MAN2A1: variants seen among roughly 807,000 people sequenced by gnomAD.
The protein encoded by MAN2A1 is mannosidase alpha class 2A member 1, also known as alpha-mannosidase 2.
Under a neutral mutation model 142.6 loss-of-function variants are expected in MAN2A1, and 76 were observed. The observed-to-expected ratio is 0.53, with a 90% CI of 0.44 to 0.65. The LOEUF is 0.65. Ranked by LOEUF, MAN2A1 falls within the 30% of genes least tolerant of loss-of-function variation. The pLI is 0.00. For synonymous variants in MAN2A1, 559 were observed against 473.2 expected (o/e 1.18, Z -2.35); for missense variants, 1,311 against 1,365.1 (o/e 0.96, Z 0.62).
intron 12 of MAN2A1, among the ~76,000 whole-genome samples, chr5:109,813,797 C>T (rs1580278839): frequency 6.6e-6 from 1 of 152,178 alleles, no homozygotes; most frequent in African/African-American, 2.4e-5. Flanking sequence ...TACTCATCCT[C>T]AGTAGAATCT....
intron 1 of MAN2A1, among the ~76,000 whole-genome samples, chr5:109,699,138 T>A (rs1188350683): frequency 1.3e-5 from 2 of 152,216 alleles, no homozygotes; most frequent in Admixed American, 1.3e-4. Context: ...ATTCATCAAC[T>A]TTAGGCCTAA....
chr5:109,748,643 G>A (rs532080932), intron 4 of MAN2A1, among the ~76,000 whole-genome samples: 1 of 152,046 alleles, frequency 6.6e-6, no homozygotes, highest in African/African-American at 2.4e-5. Flanking sequence ...GAATGTGGTG[G>A]CCAGTAACAG....
At chr5:109,791,488 TTA>T (rs1753735929) in intron 12 of MAN2A1, among the ~76,000 whole-genome samples, 1 of 152,014 alleles carries the variant, frequency 6.6e-6, no homozygotes, top group Non-Finnish European at 1.5e-5. Context: ...ATTGGAAGCC[TTA>T]GAGGTGTGGC....
intron 10 of MAN2A1, among the ~76,000 whole-genome samples, chr5:109,786,932 A>G (rs902197653): frequency 1.3e-5 from 2 of 152,058 alleles, no homozygotes; most frequent in Non-Finnish European, 1.5e-5. Flanking sequence ...GTCATCAGGC[A>G]TTCAGGCCCT....
chr5:109,705,015 T>G (rs1476703294), intron 1 of MAN2A1, among the ~76,000 whole-genome samples: 2 of 152,184 alleles, frequency 1.3e-5, no homozygotes, highest in Non-Finnish European at 2.9e-5. Context: ...TCTAATAGTT[T>G]CAGAATATAA....
intron 4 of MAN2A1, among the ~76,000 whole-genome samples, chr5:109,754,528 T>C (rs1166847505): frequency 6.6e-6 from 1 of 152,210 alleles, no homozygotes; most frequent in African/African-American, 2.4e-5. Context: ...CTTGTTATTT[T>C]TTAGGGTAGT....
chr5:109,843,680 A>G (rs1317159358), intron 17 of MAN2A1, among the ~76,000 whole-genome samples: 1 of 152,182 alleles, frequency 6.6e-6, no homozygotes, highest in African/African-American at 2.4e-5. Flanking sequence ...TATTTAATCA[A>G]AATTTTCATG....
intron 1 of MAN2A1, among the ~76,000 whole-genome samples, chr5:109,713,285 G>A (rs73217338): frequency 0.034 from 5,228 of 152,106 alleles, 288 homozygotes; most frequent in African/African-American, 0.12. Flanking sequence ...TCTGTTGCAC[G>A]TCTTAAAATA....
At chr5:109,721,903 C>T (rs1212858536) in intron 3 of MAN2A1, among the ~76,000 whole-genome samples, 1 of 152,162 alleles carries the variant, frequency 6.6e-6, no homozygotes, top group African/African-American at 2.4e-5. Context: ...GTTCTGTGCA[C>T]TATTCTAGGC....
At chr5:109,858,299 G>A (rs1262098037) in intron 20 of MAN2A1, among the ~76,000 whole-genome samples, 1 of 152,176 alleles carries the variant, frequency 6.6e-6, no homozygotes, top group Non-Finnish European at 1.5e-5. Flanking sequence ...CCAAAGGAAG[G>A]ACTGGTCCAT....
At position 109,867,667 on chromosome 5, in the gene MAN2A1, A is replaced by G. The variant is rs1297078594; in HGVS notation, c.*669A>G. 1.3e-5 allele frequency: 2 copies of G among 152,564 alleles called. No homozygotes were observed. The highest frequency in any genetic ancestry group is 6.5e-5 in the Admixed American group (1 of 15,278). 9.5% of individuals were successfully genotyped at this position (152,564 alleles called of 1,614,324 possible). On this transcript the variant is annotated 3_prime_UTR_variant, in exon 22 of 22. Coordinates refer to ENST00000261483, the MANE Select transcript of MAN2A1 (RefSeq NM_002372.4). Reference sequence around the variant, plus strand: ...AGAGGCATATTTTCATTACTTGACAATGTGGGATGGGTGCAATTTATTCCA... The same window carrying G: ...AGAGGCATATTTTCATTACTTGACAGTGTGGGATGGGTGCAATTTATTCCA...
At chr5:109,861,683 C>A (rs968944838) in intron 20 of MAN2A1, among the ~76,000 whole-genome samples, 2 of 152,102 alleles carry the variant, frequency 1.3e-5, no homozygotes, top group African/African-American at 4.8e-5. Context: ...GGCACACAGC[C>A]AGTAATGTGG....
intron 12 of MAN2A1, among the ~76,000 whole-genome samples, chr5:109,792,753 G>A (rs1753766765): frequency 6.6e-6 from 1 of 152,042 alleles, no homozygotes; most frequent in Admixed American, 6.6e-5. Context: ...GTGCAGGAGG[G>A]CTCATATACA....
chr5:109,691,126 A>G (rs1265994775), intron 1 of MAN2A1, among the ~76,000 whole-genome samples: 8 of 152,008 alleles, frequency 5.3e-5, no homozygotes, highest in African/African-American at 1.4e-4. Context: ...TTCTTCAGCT[A>G]TTACATCTGG....
chr5:109,784,251 G>A (rs1753537992), intron 9 of MAN2A1, among the ~76,000 whole-genome samples: 1 of 151,910 alleles, frequency 6.6e-6, no homozygotes, highest in African/African-American at 2.4e-5. Flanking sequence ...ACTATTCTTG[G>A]GCCATTATTT....
At chr5:109,739,511 C>T (rs1276508202) in intron 4 of MAN2A1, among the ~76,000 whole-genome samples, 3 of 152,140 alleles carry the variant, frequency 2.0e-5, no homozygotes, top group African/African-American at 7.2e-5. Flanking sequence ...GCCACTCCCT[C>T]GGTTCAGTAC....
intron 7 of MAN2A1, among the ~76,000 whole-genome samples, chr5:109,772,207 C>A (rs560140929): frequency 6.6e-6 from 1 of 152,048 alleles, no homozygotes; most frequent in African/African-American, 2.4e-5. Flanking sequence ...CCAGCCTGGG[C>A]AACATGGTAA....
intron 12 of MAN2A1, among the ~76,000 whole-genome samples, chr5:109,815,241 G>A (rs935205067): frequency 3.3e-5 from 5 of 152,160 alleles, no homozygotes; most frequent in Non-Finnish European, 7.3e-5. Context: ...TGTAATCTCT[G>A]GTAGGAGGGC....
At chr5:109,798,499 G>C (rs1753923870) in intron 12 of MAN2A1, among the ~76,000 whole-genome samples, 2 of 152,126 alleles carry the variant, frequency 1.3e-5, no homozygotes, top group South Asian at 4.1e-4. Context: ...GTGGTCCCAA[G>C]CTCTTTCAAT....
Sources: allele counts gnomAD v4.1 joint callset (sites outside exome capture counted in the v4.1 genomes callset), GRCh38; gene constraint gnomAD v4.1.1; transcripts MANE v1.5; gene names NCBI Gene and HGNC (gene_info 2026-07-23, HGNC 2026-07-21).